Variants in BICC1 observed in about 807,000 individuals in gnomAD.
BICC1 encodes BicC family RNA binding protein 1.
In BICC1, 43 loss-of-function variants were observed where a neutral mutation model predicts 111.0. That is an observed-to-expected ratio of 0.39 (90% CI 0.30 to 0.50). The LOEUF (loss-of-function observed/expected upper bound fraction) is 0.50. Ranked by LOEUF, BICC1 falls within the 20% of genes least tolerant of loss-of-function variation. BICC1 has a pLI of 0.88. For missense variants in BICC1, 1,091 were observed against 1,203.2 expected (o/e 0.91, Z 1.38); for synonymous variants, 467 against 434.4 (o/e 1.07, Z -0.93).
chr10:58,640,452 T>C (rs1373045512), intron 2 of BICC1, among the ~76,000 whole-genome samples: 1 of 152,258 alleles, frequency 6.6e-6, no homozygotes, highest in African/African-American at 2.4e-5. Context: ...TAAGGTGTTA[T>C]AACTTAAGTT....
At chr10:58,773,308 C>T (rs895804009) in intron 3 of BICC1, among the ~76,000 whole-genome samples, 4 of 152,212 alleles carry the variant, frequency 2.6e-5, no homozygotes, top group African/African-American at 7.2e-5. Flanking sequence ...AACCCCTGCC[C>T]ACACACTTTC....
intron 6 of BICC1, 147 bp from the exon 7 acceptor site, chr10:58,789,115 A>T (rs927521400): frequency 3.4e-5 from 22 of 638,370 alleles, no homozygotes; most frequent in Non-Finnish European, 4.8e-5. Flanking sequence ...AAAAAAAAAA[A>T]CTTTATATAA....
chr10:58,582,994 G>A (rs886853687), intron 1 of BICC1, among the ~76,000 whole-genome samples: 2 of 152,094 alleles, frequency 1.3e-5, no homozygotes, highest in African/African-American at 4.8e-5. Context: ...TGGAGGGGCC[G>A]TTATTCTGCC....
intron 3 of BICC1, among the ~76,000 whole-genome samples, chr10:58,726,544 T>C (rs1391705769): frequency 6.6e-6 from 1 of 152,220 alleles, no homozygotes; most frequent in African/African-American, 2.4e-5. Context: ...ACTGCCGTTG[T>C]ATACTCAAGT....
At chr10:58,807,739 C>T (rs900805986) in intron 17 of BICC1, among the ~76,000 whole-genome samples, 1 of 152,098 alleles carries the variant, frequency 6.6e-6, no homozygotes, top group African/African-American at 2.4e-5. Flanking sequence ...GTTCCATACT[C>T]CACAGCCAGG....
Position 58,513,089 on chromosome 10 carries a change from G to C in BICC1, c.-55G>C. Reference sequence around the variant, plus strand: ...TTGAGCCCGGCCGGCGAGCGGAGGCGGCAGCGCAGGCAGAGCGGCGGCGGC... The same window carrying C: ...TTGAGCCCGGCCGGCGAGCGGAGGCCGCAGCGCAGGCAGAGCGGCGGCGGC... On this transcript the variant is annotated 5_prime_UTR_variant, in exon 1 of 21. Coordinates refer to ENST00000373886, the MANE Select transcript of BICC1 (RefSeq NM_001080512.3). The C allele has an allele frequency of 7.8e-7, 1 of 1,282,590 alleles. No homozygotes were observed. Among genetic ancestry groups the C allele is most frequent in the Non-Finnish European group, 9.9e-7 (1 of 1,008,376 alleles). The allele number at this position is 1,282,590 out of a possible 1,614,324, so 79.5% of individuals were successfully genotyped here. A position where few individuals can be genotyped will look rare whatever the true frequency, so the allele number is the denominator to read the frequency against.
At chr10:58,554,344 C>A (rs1167760976) in intron 1 of BICC1, among the ~76,000 whole-genome samples, 3 of 152,094 alleles carry the variant, frequency 2.0e-5, no homozygotes, top group African/African-American at 7.2e-5. Context: ...ATCCGGTCTT[C>A]TTTTCCTGTC....
At chr10:58,621,903 T>TTGGAA in intron 2 of BICC1, among the ~76,000 whole-genome samples, 1 of 44,782 alleles carries the variant, frequency 2.2e-5, no homozygotes, top group East Asian at 5.5e-4. Context: ...GTCTCTAAAA[T>TTGGAA]TAGAATAGAA....
chr10:58,571,016 G>A (rs544924084), intron 1 of BICC1, among the ~76,000 whole-genome samples: 5 of 152,264 alleles, frequency 3.3e-5, no homozygotes, highest in African/African-American at 9.6e-5. Context: ...CACTTCACCA[G>A]TTGCTCATTT....
At chr10:58,748,440 A>G (rs1383260968) in intron 3 of BICC1, among the ~76,000 whole-genome samples, 3 of 152,014 alleles carry the variant, frequency 2.0e-5, no homozygotes, top group African/African-American at 7.2e-5. Flanking sequence ...CTTTTTCTCC[A>G]GTAAGATTCA....
At chr10:58,802,705 A>G (rs1455138028) in intron 14 of BICC1, among the ~76,000 whole-genome samples, 1 of 152,204 alleles carries the variant, frequency 6.6e-6, no homozygotes. Flanking sequence ...TGATGTATAA[A>G]AATTAGAAAT....
Position 58,828,823 on chromosome 10 carries a change from G to C in BICC1, c.2857G>C (p.Gly953Arg). 1 of 1,613,968 alleles carries C rather than the reference G, an allele frequency of 6.2e-7. No homozygotes were observed. The highest frequency in any genetic ancestry group is 1.1e-5 in the South Asian group (1 of 91,082). ...SPNARTSFLE[G>R]GASGRLPRQY... ...AAATGCACGCACCTCTTTCCTGGAAGGTGGAGCGAGTGGAAGGCTACCCCG... is the reference window on the plus strand; with the variant it reads ...AAATGCACGCACCTCTTTCCTGGAACGTGGAGCGAGTGGAAGGCTACCCCG... The change falls in exon 21 of 21, where the codon GGT becomes CGT. Residue 953 changes from glycine to arginine, a missense_variant. Around this residue, in one of 3 missense-constraint regions of BICC1, gnomAD observed 231 missense variants for 256.2 expected, o/e 0.90. Transcript: ENST00000373886.
chr10:58,699,320 T>C (rs1157304952), intron 2 of BICC1, among the ~76,000 whole-genome samples: 1 of 152,190 alleles, frequency 6.6e-6, no homozygotes, highest in Non-Finnish European at 1.5e-5. Context: ...GACAGGGAGT[T>C]GTAGTGTGGC....
intron 16 of BICC1, 62 bp downstream of exon 16, chr10:58,806,685 G>T: frequency 1.4e-6 from 2 of 1,380,146 alleles, no homozygotes; most frequent in South Asian, 2.4e-5. Flanking sequence ...AATGTTTTTT[G>T]AGTACTCATG....
chr10:58,551,020 C>T (rs987908622), intron 1 of BICC1, among the ~76,000 whole-genome samples: 1 of 152,186 alleles, frequency 6.6e-6, no homozygotes, highest in Non-Finnish European at 1.5e-5. Flanking sequence ...ATGCACGTCT[C>T]TGATCTTCCT....
chr10:58,761,773 G>T (rs967649218), intron 3 of BICC1, among the ~76,000 whole-genome samples: 1 of 152,104 alleles, frequency 6.6e-6, no homozygotes, highest in Non-Finnish European at 1.5e-5. Flanking sequence ...ATTTTTGGCA[G>T]TATATCATTA....
At chr10:58,675,492 T>G (rs1839311892) in intron 2 of BICC1, among the ~76,000 whole-genome samples, 1 of 152,140 alleles carries the variant, frequency 6.6e-6, no homozygotes. Flanking sequence ...CTCTAGGACA[T>G]TATGCTAAGT....
In BICC1 at chr10:58,785,104, A is replaced by G. The variant is rs375158306; in HGVS notation, c.387+24A>G. The G allele has an allele frequency of 4.9e-6, 7 of 1,432,926 alleles. No homozygotes were observed. In the African/African-American group the frequency reaches 8.7e-5, roughly 18 times the overall value. The allele number at this position is 1,432,926 out of a possible 1,614,324, so 88.8% of individuals were successfully genotyped here. ...AAGTAAGTGAATGTTAAGGACACTC[A>G]GATGTCAGAACCTTGTCTCTACAAG... On this transcript the variant is annotated intron_variant, in intron 4 of 20. Coordinates refer to ENST00000373886, the MANE Select transcript of BICC1 (RefSeq NM_001080512.3).
At chr10:58,667,202 T>G (rs930776279) in intron 2 of BICC1, among the ~76,000 whole-genome samples, 3 of 152,166 alleles carry the variant, frequency 2.0e-5, no homozygotes, top group Non-Finnish European at 4.4e-5. Flanking sequence ...TACTTGCTTA[T>G]TCTTCTTGGC....
Sources: allele counts gnomAD v4.1 joint callset (sites outside exome capture counted in the v4.1 genomes callset), GRCh38; gene constraint gnomAD v4.1.1; regional missense constraint gnomAD v4.1.1; transcripts MANE v1.5; gene names NCBI Gene and HGNC (gene_info 2026-07-23, HGNC 2026-07-21).